ALPL: variants seen among roughly 807,000 people sequenced by gnomAD.
The protein encoded by ALPL is alkaline phosphatase, tissue-nonspecific isozyme.
In ALPL, 42 loss-of-function variants were observed where a neutral mutation model predicts 51.3. The ratio of observed to expected loss-of-function variants is 0.82; its 90% CI spans 0.64 to 1.06. ALPL has a LOEUF of 1.06. Ranked by LOEUF, ALPL falls within the 50% of genes least tolerant of loss-of-function variation. ALPL has a pLI of 0.00. For missense variants in ALPL, 589 were observed against 709.4 expected (o/e 0.83, Z 1.93); for synonymous variants, 279 against 296.4 (o/e 0.94, Z 0.60).
chr1:21,562,815 A>G (rs1206448741), intron 4 of ALPL, among the ~76,000 whole-genome samples: 2 of 151,696 alleles, frequency 1.3e-5, no homozygotes, highest in Non-Finnish European at 2.9e-5. Flanking sequence ...CCAGGCCCGG[A>G]GAGAGGCCTC....
intron 1 of ALPL, among the ~76,000 whole-genome samples, chr1:21,513,692 G>C (rs1643736042): frequency 6.6e-6 from 1 of 152,192 alleles, no homozygotes; most frequent in African/African-American, 2.4e-5. Context: ...GGGGGTGGGG[G>C]ATTGTTGACT....
At chr1:21,570,581 C>T (rs1372685949) in intron 8 of ALPL, among the ~76,000 whole-genome samples, 1 of 152,166 alleles carries the variant, frequency 6.6e-6, no homozygotes. Flanking sequence ...GGGGATTAGC[C>T]TCATTGGGCA....
chr1:21,515,718 G>A (rs1279145915), intron 1 of ALPL, among the ~76,000 whole-genome samples: 2 of 152,162 alleles, frequency 1.3e-5, no homozygotes, highest in Non-Finnish European at 2.9e-5. Flanking sequence ...TCAACCTCTT[G>A]CCTTCTTTAG....
intron 1 of ALPL, among the ~76,000 whole-genome samples, chr1:21,519,534 C>CGA (rs1457315051): frequency 6.6e-6 from 1 of 152,214 alleles, no homozygotes; most frequent in Non-Finnish European, 1.5e-5. Context: ...CAAGGGCTCA[C>CGA]GCATGTAATC....
At chr1:21,570,397 A>AGGATGCAT in intron 8 of ALPL, 23 bp downstream of exon 8, 1 of 1,611,754 alleles carries the variant, frequency 6.2e-7, no homozygotes, top group Non-Finnish European at 8.5e-7. Context: ...GGTGGAGGGG[A>AGGATGCAT]GGATGCATGG....
At chr1:21,542,613 G>T (rs550445549) in intron 1 of ALPL, among the ~76,000 whole-genome samples, 1 of 152,266 alleles carries the variant, frequency 6.6e-6, no homozygotes, top group Non-Finnish European at 1.5e-5. Context: ...AGGCCGAGGC[G>T]GGCGGATCAC....
intron 1 of ALPL, among the ~76,000 whole-genome samples, chr1:21,542,032 C>T (rs986773013): frequency 6.6e-6 from 1 of 152,222 alleles, no homozygotes; most frequent in African/African-American, 2.4e-5. Flanking sequence ...CATTCCTGCG[C>T]AAGCACTTCA....
intron 1 of ALPL, among the ~76,000 whole-genome samples, chr1:21,511,205 G>A (rs959705005): frequency 3.3e-5 from 5 of 152,226 alleles, no homozygotes; most frequent in Non-Finnish European, 7.3e-5. Context: ...GAAACTGTCA[G>A]AATTCACAGT....
chr1:21,567,446 C>T (rs531699373), intron 6 of ALPL, among the ~76,000 whole-genome samples: 5 of 152,322 alleles, frequency 3.3e-5, no homozygotes, highest in East Asian at 1.9e-4. Flanking sequence ...GGCCCGGCCC[C>T]GCTGTTTGCC....
Position 21,575,896 on chromosome 1 carries a change from A to G in ALPL, c.1161A>G (p.Gly387=). Residue 387 remains glycine, a synonymous_variant, in exon 10 of 12, where the codon GGA becomes GGG. Transcript: ENST00000374840. ...ATTCCCACGTCTTCACATTTGGTGG[A>G]TACACCCCCCGTGGCAACTCTATCT... The part of the protein sequence containing the change: ...ADHSHVFTFG[G]YTPRGNSIFG... 14 of 1,614,106 alleles carry G rather than the reference A, an allele frequency of 8.7e-6. No individual in the cohort carries two copies. Among genetic ancestry groups the G allele is most frequent in the Non-Finnish European group, 1.1e-5 (13 of 1,180,026 alleles).
chr1:21,554,861 CTT>C (rs1374715286), intron 2 of ALPL, among the ~76,000 whole-genome samples: 2 of 134,934 alleles, frequency 1.5e-5, no homozygotes, highest in Non-Finnish European at 3.1e-5. Flanking sequence ...TTCTTTCTTT[CTT>C]TCTTTCTTTC....
At chr1:21,520,136 T>A (rs113519767) in intron 1 of ALPL, among the ~76,000 whole-genome samples, 5 of 152,192 alleles carry the variant, frequency 3.3e-5, no homozygotes, top group African/African-American at 1.2e-4. Context: ...TGTTGTTTGT[T>A]TGTTTTTTGA....
chr1:21,575,900 A>AC lies in ALPL; in HGVS notation c.1171dup (p.Arg391ProfsTer14), dbSNP rs751404811. On this transcript the variant is annotated frameshift_variant, in exon 10 of 12. Transcript: ENST00000374840. LOFTEE classifies it high-confidence loss of function. ...CCACGTCTTCACATTTGGTGGATAC[A>AC]CCCCCCGTGGCAACTCTATCTTTGG... is the stretch of plus-strand genomic sequence containing the variant. 1 of 1,613,788 alleles carries AC rather than the reference A, an allele frequency of 6.2e-7. No homozygotes were observed. The highest frequency in any genetic ancestry group is 8.5e-7 in the Non-Finnish European group (1 of 1,179,950).
chr1:21,549,475 C>CTTT (rs5772952), intron 1 of ALPL, among the ~76,000 whole-genome samples: 1 of 145,528 alleles, frequency 6.9e-6, no homozygotes, highest in Non-Finnish European at 1.5e-5. Flanking sequence ...TTTTCTTTTT[C>CTTT]TTTTTTTTTT....
At chr1:21,568,393 C>A (rs1644599027) in intron 7 of ALPL, 146 bp downstream of exon 7, 1 of 1,081,740 alleles carries the variant, frequency 9.2e-7, no homozygotes, top group East Asian at 2.6e-5. Context: ...AAGAGATATA[C>A]AAGCAGTAGA....
At chr1:21,518,548 CCTAA>C (rs1643844385) in intron 1 of ALPL, among the ~76,000 whole-genome samples, 1 of 152,028 alleles carries the variant, frequency 6.6e-6, no homozygotes, top group Non-Finnish European at 1.5e-5. Context: ...GAGGGGCCAG[CCTAA>C]CTCTTTCCAG....
intron 1 of ALPL, among the ~76,000 whole-genome samples, chr1:21,514,051 G>A (rs1332846246): frequency 6.6e-6 from 1 of 152,190 alleles, no homozygotes; most frequent in Non-Finnish European, 1.5e-5. Context: ...AGCCCTCAGG[G>A]GGCTCAGGGT....
chr1:21,519,617 T>C (rs1292111127), intron 1 of ALPL, among the ~76,000 whole-genome samples: 1 of 152,132 alleles, frequency 6.6e-6, no homozygotes, highest in Non-Finnish European at 1.5e-5. Flanking sequence ...GCCAACATGG[T>C]GAAACCCTAT....
chr1:21,521,835 C>A (rs756948423), intron 1 of ALPL, among the ~76,000 whole-genome samples: 6 of 152,116 alleles, frequency 3.9e-5, no homozygotes, highest in Non-Finnish European at 7.3e-5. Context: ...GCCTTAATTT[C>A]TTTAATAATA....
Sources: gnomAD v4.1 joint callset for allele counts (sites outside exome capture counted in the v4.1 genomes callset) on GRCh38, gnomAD v4.1.1 for gene constraint, MANE v1.5 for transcripts, NCBI Gene and HGNC (gene_info 2026-07-23, HGNC 2026-07-21) for gene names.